FTO: variants seen among roughly 807,000 people sequenced by gnomAD.
The protein encoded by FTO is FTO alpha-ketoglutarate dependent dioxygenase.
FTO carries 47 observed loss-of-function variants against 63.9 expected under a neutral mutation model. The observed-to-expected ratio is 0.74, with a 90% CI of 0.58 to 0.94. The LOEUF is 0.94. Among genes scored for constraint, FTO ranks in the 40% least tolerant of loss-of-function variants. The probability of loss-of-function intolerance (pLI) is 0.00; values close to 1 mark genes in which losing one functional copy is unlikely to be tolerated. For missense variants in FTO, 562 were observed against 618.1 expected (o/e 0.91, Z 0.96); for synonymous variants, 207 against 224.4 (o/e 0.92, Z 0.69).
chr16:54,018,727 C>T (rs2084520159), intron 8 of FTO, among the ~76,000 whole-genome samples: 1 of 152,146 alleles, frequency 6.6e-6, no homozygotes, highest in African/African-American at 2.4e-5. Flanking sequence ...TTCCTGCTGT[C>T]ATGTGAAGAA....
intron 1 of FTO, among the ~76,000 whole-genome samples, chr16:53,743,796 T>C (rs770705878): frequency 6.6e-6 from 1 of 151,864 alleles, no homozygotes; most frequent in Non-Finnish European, 1.5e-5. Context: ...ACCATTTTTT[T>C]CCCCCTGATT....
At chr16:53,817,683 G>A (rs1185351500) in intron 2 of FTO, among the ~76,000 whole-genome samples, 2 of 152,036 alleles carry the variant, frequency 1.3e-5, no homozygotes, top group African/African-American at 4.8e-5. Context: ...ACTTCCCTGT[G>A]TGATGAAATC....
chr16:53,901,751 T>G (rs1228578638), intron 7 of FTO, among the ~76,000 whole-genome samples: 2 of 152,298 alleles, frequency 1.3e-5, no homozygotes, highest in East Asian at 3.9e-4. Context: ...GACCCTCATG[T>G]TTTCCCTCTC....
chr16:53,855,699 TTTAGAA>T (rs2079971257), intron 4 of FTO, among the ~76,000 whole-genome samples: 1 of 152,218 alleles, frequency 6.6e-6, no homozygotes, highest in Non-Finnish European at 1.5e-5. Context: ...AGAGACAGAA[TTTAGAA>T]TCTTCCATGG....
chr16:53,781,530 T>A (rs1294306432), intron 1 of FTO, among the ~76,000 whole-genome samples: 1 of 152,062 alleles, frequency 6.6e-6, no homozygotes, highest in Non-Finnish European at 1.5e-5. Flanking sequence ...ATGTGTAGGG[T>A]AGTGACCTTG....
At chr16:54,057,503 G>A (rs566913384) in intron 8 of FTO, among the ~76,000 whole-genome samples, 6 of 152,166 alleles carry the variant, frequency 3.9e-5, no homozygotes, top group Non-Finnish European at 7.4e-5. Flanking sequence ...TCATTCTGTC[G>A]CCCAGGCTGG....
At chr16:54,022,908 G>A (rs1052558496) in intron 8 of FTO, among the ~76,000 whole-genome samples, 3 of 152,172 alleles carry the variant, frequency 2.0e-5, no homozygotes, top group African/African-American at 4.8e-5. Flanking sequence ...GTAACTTTCC[G>A]CTGTATACAC....
At chr16:53,760,096 TG>T (rs1486849206) in intron 1 of FTO, among the ~76,000 whole-genome samples, 3 of 152,186 alleles carry the variant, frequency 2.0e-5, no homozygotes, top group African/African-American at 7.2e-5. Context: ...CAGAAGTTCC[TG>T]GTTATTGTAT....
At chr16:53,987,633 C>A (rs1188661859) in intron 8 of FTO, among the ~76,000 whole-genome samples, 4 of 151,462 alleles carry the variant, frequency 2.6e-5, no homozygotes, top group Admixed American at 6.6e-5. Flanking sequence ...GGCTTCCCCC[C>A]ATTCTATGGG....
chr16:53,751,957 T>C (rs976948680), intron 1 of FTO, among the ~76,000 whole-genome samples: 3 of 152,204 alleles, frequency 2.0e-5, no homozygotes, highest in African/African-American at 4.8e-5. Flanking sequence ...AAAAACAAAA[T>C]TGACTTATAG....
chr16:53,845,069 GT>G (rs2079583617), intron 4 of FTO, among the ~76,000 whole-genome samples: 1 of 152,002 alleles, frequency 6.6e-6, no homozygotes, highest in South Asian at 2.1e-4. Context: ...GTGAGGCTTT[GT>G]TTTTTTCTTC....
chr16:53,779,072 A>ATTTG (rs1234316340), intron 1 of FTO, among the ~76,000 whole-genome samples: 1 of 151,932 alleles, frequency 6.6e-6, no homozygotes, highest in Non-Finnish European at 1.5e-5. Flanking sequence ...TGATTGCTTT[A>ATTTG]TTTGTTTGTT....
chr16:53,982,461 T>C (rs2083568673), intron 8 of FTO, among the ~76,000 whole-genome samples: 1 of 152,198 alleles, frequency 6.6e-6, no homozygotes, highest in African/African-American at 2.4e-5. Context: ...TCTAATGTTA[T>C]CATCGGAGGG....
At chr16:54,032,131 A>G (rs1483062012) in intron 8 of FTO, among the ~76,000 whole-genome samples, 1 of 152,214 alleles carries the variant, frequency 6.6e-6, no homozygotes, top group Admixed American at 6.5e-5. Flanking sequence ...AGTGTCTACA[A>G]TGGATTTGAG....
chr16:54,060,795 G>A (rs76661836), intron 8 of FTO, among the ~76,000 whole-genome samples: 3,491 of 152,176 alleles, frequency 0.023, 81 homozygotes, highest in African/African-American at 0.052. Context: ...GGTCTATTGC[G>A]GCAGCAAAGC....
intron 2 of FTO, among the ~76,000 whole-genome samples, chr16:53,818,238 TTTAA>T (rs1242226333): frequency 7.9e-5 from 12 of 152,272 alleles, no homozygotes; most frequent in African/African-American, 2.9e-4. Context: ...CAGGCACTAA[TTTAA>T]TTACTCTATA....
chr16:53,813,656 C>T (rs2151744687), intron 2 of FTO, among the ~76,000 whole-genome samples: 1 of 152,240 alleles, frequency 6.6e-6, no homozygotes, highest in South Asian at 2.1e-4. Context: ...CTTAAACAGG[C>T]CCTCACCACA....
chr16:53,817,253 A>G lies in FTO; in HGVS notation c.123+7036A>G, dbSNP rs2078720585. Among the ~76,000 whole-genome samples the G allele has an allele frequency of 2.6e-5, 4 of 152,180 alleles. No individual in the cohort carries two copies. The South Asian group carries it at 8.3e-4, about 32-fold the overall frequency. On this transcript the variant is annotated intron_variant, in intron 2 of 8. Transcript: ENST00000471389. The stretch of plus-strand genomic sequence containing the variant: ...TTTGTAGCAAAGCACATGTTACCTC[A>G]AGTCTTGTGATAGCTGTGGCAGAGT...
chr16:53,954,678 C>G (rs555187301), intron 8 of FTO, among the ~76,000 whole-genome samples: 4 of 151,982 alleles, frequency 2.6e-5, no homozygotes, highest in Non-Finnish European at 4.4e-5. Flanking sequence ...AAAGAGACGA[C>G]GGTTTCAGCT....
Sources: allele counts gnomAD v4.1 joint callset (sites outside exome capture counted in the v4.1 genomes callset), GRCh38; gene constraint gnomAD v4.1.1; transcripts MANE v1.5; gene names NCBI Gene and HGNC (gene_info 2026-07-23, HGNC 2026-07-21).